Variants in STXBP6 observed in about 807,000 individuals in gnomAD.
The protein encoded by STXBP6 is syntaxin binding protein 6, also known as syntaxin-binding protein 6.
STXBP6 carries 21 observed loss-of-function variants against 26.9 expected under a neutral mutation model. That is an observed-to-expected ratio of 0.78 (90% CI 0.55 to 1.12). The LOEUF (loss-of-function observed/expected upper bound fraction) is 1.12, where lower values mean the gene tolerates loss of function less well. Ranked by LOEUF, STXBP6 falls within the 50% of genes most tolerant of loss-of-function variation. The probability of loss-of-function intolerance (pLI) is 0.00; values close to 1 mark genes in which losing one functional copy is unlikely to be tolerated. For synonymous variants in STXBP6, 97 were observed against 92.6 expected (o/e 1.05, Z -0.27); for missense variants, 232 against 257.9 (o/e 0.90, Z 0.69).
At chr14:24,968,990 T>C (rs78425257) in intron 2 of STXBP6, among the ~76,000 whole-genome samples, 5,609 of 152,264 alleles carry the variant, frequency 0.037, 167 homozygotes, top group Non-Finnish European at 0.055. Flanking sequence ...CCATCTGTAC[T>C]TTGAGAAATT....
At chr14:24,889,002 A>AAAAC (rs938720461) in intron 2 of STXBP6, among the ~76,000 whole-genome samples, 1 of 152,090 alleles carries the variant, frequency 6.6e-6, no homozygotes, top group Non-Finnish European at 1.5e-5. Context: ...GGCAGATTAG[A>AAAAC]AAACCCTTCC....
chr14:24,861,992 C>T (rs1035983823), intron 2 of STXBP6, among the ~76,000 whole-genome samples: 1 of 152,068 alleles, frequency 6.6e-6, no homozygotes. Flanking sequence ...TAAATCTGCG[C>T]GTTTTTTGTT....
intron 1 of STXBP6, among the ~76,000 whole-genome samples, chr14:24,993,111 A>G (rs2074515649): frequency 6.6e-6 from 1 of 152,090 alleles, no homozygotes; most frequent in Admixed American, 6.5e-5. Flanking sequence ...GATCTCAGTC[A>G]TTTCTAAGAC....
intron 2 of STXBP6, among the ~76,000 whole-genome samples, chr14:24,920,260 A>G (rs935835610): frequency 6.6e-5 from 10 of 152,122 alleles, no homozygotes; most frequent in African/African-American, 2.4e-4. Context: ...GTGTTTGTAT[A>G]CTAGATTTTA....
chr14:24,903,349 C>T (rs982326880), intron 2 of STXBP6, among the ~76,000 whole-genome samples: 9 of 152,176 alleles, frequency 5.9e-5, no homozygotes, highest in African/African-American at 2.2e-4. Context: ...GTCTAAAAGC[C>T]TTCTCTTCTT....
chr14:25,000,484 C>A (rs1254707327), intron 1 of STXBP6, among the ~76,000 whole-genome samples: 1 of 151,024 alleles, frequency 6.6e-6, no homozygotes, highest in African/African-American at 2.4e-5. Flanking sequence ...GCAAAAGTTT[C>A]TCTGTGACCT....
intron 4 of STXBP6, among the ~76,000 whole-genome samples, chr14:24,829,964 A>G (rs900756154): frequency 1.3e-5 from 2 of 152,196 alleles, no homozygotes; most frequent in African/African-American, 4.8e-5. Flanking sequence ...TAGTATATTC[A>G]AGGGAAGAGG....
rs1163380383 is a variant in STXBP6, at chr14:24,892,531, A to T, written c.155-35374T>A. On this transcript the variant is annotated intron_variant, in intron 2 of 5. Transcript: ENST00000323944. ...TAGAAAGCAATTCTGATTCTGGGCC[A>T]ACCACACCCCTTGGTTTGAGTCTTT... Among the ~76,000 whole-genome samples, 3 of 152,288 alleles carry T rather than the reference A, an allele frequency of 2.0e-5. No homozygotes were observed. The East Asian group carries it at 5.8e-4, about 29-fold the overall frequency.
intron 2 of STXBP6, among the ~76,000 whole-genome samples, chr14:24,973,781 G>C (rs2073971318): frequency 2.6e-5 from 4 of 152,024 alleles, no homozygotes; most frequent in Admixed American, 2.6e-4. Flanking sequence ...CTGGTAAAAA[G>C]TTACTTTTAC....
intron 2 of STXBP6, among the ~76,000 whole-genome samples, chr14:24,882,512 A>G (rs1339105415): frequency 6.6e-6 from 1 of 151,426 alleles, no homozygotes; most frequent in East Asian, 1.9e-4. Context: ...ACTGGACCCA[A>G]CAGGAGATGA....
chr14:24,815,863 C>T (rs1051728950), intron 5 of STXBP6: 1 of 152,142 alleles, frequency 6.6e-6, no homozygotes, highest in African/African-American at 2.4e-5. Flanking sequence ...CAAGAAAGGA[C>T]CACATTTCCT....
chr14:25,022,928 C>T (rs1021774801), intron 1 of STXBP6, among the ~76,000 whole-genome samples: 1 of 152,206 alleles, frequency 6.6e-6, no homozygotes, highest in African/African-American at 2.4e-5. Context: ...CTACCCAAAG[C>T]TGGCCTTCCT....
At chr14:25,016,702 C>T (rs968881769) in intron 1 of STXBP6, among the ~76,000 whole-genome samples, 1 of 152,108 alleles carries the variant, frequency 6.6e-6, no homozygotes, top group Non-Finnish European at 1.5e-5. Context: ...GGTTTGTGAA[C>T]TTACTAAATA....
intron 4 of STXBP6, among the ~76,000 whole-genome samples, chr14:24,837,188 A>G (rs2068644292): frequency 6.6e-6 from 1 of 152,226 alleles, no homozygotes; most frequent in Non-Finnish European, 1.5e-5. Context: ...GGAGGATGAA[A>G]GAAAATAGGA....
chr14:25,014,761 T>C (rs764291998), intron 1 of STXBP6, among the ~76,000 whole-genome samples: 24 of 152,376 alleles, frequency 1.6e-4, no homozygotes, highest in Middle Eastern at 3.4e-3. Flanking sequence ...ATTTATAGTA[T>C]GATAACCAAG....
chr14:24,810,606 A>G lies in STXBP6; in HGVS notation c.*2103T>C, dbSNP rs772628032. The stretch of plus-strand genomic sequence containing the variant: ...AGAGAGTGAGGAAAGAGGGCAAGAC[A>G]TGGAATACTTATATTTATCAAGAGT... On this transcript the variant is annotated 3_prime_UTR_variant, in exon 6 of 6. Coordinates refer to ENST00000323944, the MANE Select transcript of STXBP6 (RefSeq NM_001394410.1). 2.0e-5 allele frequency: 3 copies of G among 152,200 alleles called. No homozygotes were observed. The highest frequency in any genetic ancestry group is 6.5e-5 in the Admixed American group (1 of 15,286). 9.4% of individuals were successfully genotyped at this position (152,200 alleles called of 1,614,324 possible). A position where few individuals can be genotyped will look rare whatever the true frequency, so the allele number is the denominator to read the frequency against.
rs2070674445 is a variant in STXBP6, at chr14:24,888,639, C to T, written c.155-31482G>A. On this transcript the variant is annotated intron_variant, in intron 2 of 5. Coordinates refer to ENST00000323944, the MANE Select transcript of STXBP6 (RefSeq NM_001394410.1). Reference sequence around the variant, plus strand: ...TCAGGAGGCTGAGGCAAGAGAATTGCTTGAATCCGGGAGGTGTAGGCTGCA... The same window carrying T: ...TCAGGAGGCTGAGGCAAGAGAATTGTTTGAATCCGGGAGGTGTAGGCTGCA... Among the ~76,000 whole-genome samples, 4 of 151,416 alleles carry T rather than the reference C, an allele frequency of 2.6e-5. No homozygotes were observed. The Admixed American group carries it at 2.6e-4, about 10-fold the overall frequency.
intron 2 of STXBP6, among the ~76,000 whole-genome samples, chr14:24,960,243 T>C (rs2073486438): frequency 1.3e-5 from 2 of 152,186 alleles, no homozygotes; most frequent in Admixed American, 1.3e-4. Flanking sequence ...CTGTGAGCAA[T>C]TACCTCTGAA....
At chr14:24,931,654 T>C (rs2072414383) in intron 2 of STXBP6, among the ~76,000 whole-genome samples, 1 of 152,132 alleles carries the variant, frequency 6.6e-6, no homozygotes, top group South Asian at 2.1e-4. Flanking sequence ...GGAGTTTATA[T>C]TATAGTGAGG....
Sources: allele counts gnomAD v4.1 joint callset (sites outside exome capture counted in the v4.1 genomes callset), GRCh38; gene constraint gnomAD v4.1.1; transcripts MANE v1.5; gene names NCBI Gene and HGNC (gene_info 2026-07-23, HGNC 2026-07-21).